The following CDKL5 variants were observed in gnomAD, a reference collection of about 807,000 sequenced individuals.
The protein encoded by CDKL5 is cyclin dependent kinase like 5.
CDKL5 carries 8 observed loss-of-function variants against 61.7 expected under a neutral mutation model. The ratio of observed to expected loss-of-function variants is 0.13; its 90% CI spans 0.08 to 0.23. CDKL5 has a LOEUF of 0.23. CDKL5 is among the 10% of genes least tolerant of loss of function. The pLI, the probability that CDKL5 is intolerant of heterozygous loss-of-function variation, is 1.00. For synonymous variants in CDKL5, 275 were observed against 272.3 expected, an observed-to-expected ratio of 1.01 and a Z score of -0.10; for missense variants, 440 against 734.5, an observed-to-expected ratio of 0.60 and a Z score of 4.63.
chrX:18,547,246 T>C (rs1160171824), intron 3 of CDKL5, among the ~76,000 whole-genome samples: 2 of 112,156 alleles, frequency 1.8e-5, no homozygotes, highest in Admixed American at 9.4e-5. Context: ...AGAAACTAAC[T>C]GCAAATGATT....
chrX:18,527,451 A>G (rs1299326617), intron 3 of CDKL5, among the ~76,000 whole-genome samples: 1 of 111,549 alleles, frequency 9.0e-6, no homozygotes. Context: ...TTTATGTGTA[A>G]ATTTTGGTAA....
At chrX:18,506,546 A>G (rs1048274118) in intron 1 of CDKL5, among the ~76,000 whole-genome samples, 4 of 112,508 alleles carry the variant, frequency 3.6e-5, no homozygotes, top group Admixed American at 9.5e-5. Flanking sequence ...TATTTGCCCA[A>G]TCTTAGAACA....
In CDKL5 at chrX:18,636,514, C is replaced by T. The variant is rs1406159624; in HGVS notation, c.*7757C>T. 3 of 110,243 alleles carry T rather than the reference C, an allele frequency of 2.7e-5. No homozygotes were observed. Among genetic ancestry groups the T allele is most frequent in the Admixed American group, 9.8e-5 (1 of 10,254 alleles). The allele number at this position is 110,243 out of a possible 1,213,427, so 9.1% of individuals were successfully genotyped here. A position where few individuals can be genotyped will look rare whatever the true frequency, so the allele number is the denominator to read the frequency against. On this transcript the variant is annotated 3_prime_UTR_variant, in exon 18 of 18. Coordinates refer to ENST00000623535, the MANE Select transcript of CDKL5 (RefSeq NM_001323289.2). ...AAGTGGCAGGGCCAGGATTTGAAGC[C>T]GAATATGTTCATTGTAAAGCCCATA...
intron 11 of CDKL5, 73 bp downstream of exon 11, chrX:18,598,686 A>T (rs1926088290): frequency 2.1e-6 from 2 of 953,421 alleles, no homozygotes; most frequent in Admixed American, 4.4e-5. Flanking sequence ...TGGCTGCTTA[A>T]ATGATGCAAT....
chrX:18,439,310 A>G (rs1931683624), intron 1 of CDKL5, among the ~76,000 whole-genome samples: 1 of 110,038 alleles, frequency 9.1e-6, no homozygotes, highest in Admixed American at 9.8e-5. Flanking sequence ...GCCAAAGGTG[A>G]CAACTACCAG....
Position 18,628,497 on chromosome X carries a change from C to T in CDKL5, c.2623C>T (p.Arg875Trp). ...AACCAAAAATTCCTTCTCAGAAATT[C>T]GGATTCACCCCCTGAGCCAGGCCTC... ...QQTKNSFSEI[R>W]IHPLSQASGG... Residue 875 changes from arginine to tryptophan, a missense_variant, in exon 18 of 18, where the codon CGG (arginine) becomes TGG (tryptophan). Coordinates refer to ENST00000623535, the MANE Select transcript of CDKL5 (RefSeq NM_001323289.2). 2 of 1,212,033 alleles carry T rather than the reference C, an allele frequency of 1.7e-6. No individual in the cohort carries two copies. The highest frequency in any genetic ancestry group is 3.0e-5 in the East Asian group (1 of 33,838).
intron 15 of CDKL5, among the ~76,000 whole-genome samples, chrX:18,613,692 G>A (rs1926635800): frequency 9.0e-6 from 1 of 111,328 alleles, no homozygotes; most frequent in South Asian, 3.8e-4. Flanking sequence ...CGAGGAACTG[G>A]CCCGGTGTTG....
intron 1 of CDKL5, among the ~76,000 whole-genome samples, chrX:18,427,994 C>T (rs906400707): frequency 1.8e-5 from 2 of 111,684 alleles, no homozygotes; most frequent in Non-Finnish European, 1.9e-5. Context: ...AGGGCCGTCT[C>T]GCATAGATGG....
intron 3 of CDKL5, among the ~76,000 whole-genome samples, chrX:18,526,119 C>T (rs1487878309): frequency 8.9e-6 from 1 of 112,438 alleles, no homozygotes. Flanking sequence ...TGATTTTCAA[C>T]AGCAATGAAT....
chrX:18,511,418 C>T (rs1841990781), intron 3 of CDKL5, among the ~76,000 whole-genome samples: 1 of 109,805 alleles, frequency 9.1e-6, no homozygotes, highest in African/African-American at 3.3e-5. Flanking sequence ...ATGCCGTGCA[C>T]CTCATAATGA....
intron 8 of CDKL5, 105 bp downstream of exon 8, chrX:18,584,458 G>A: frequency 1.7e-6 from 1 of 578,604 alleles, no homozygotes. Context: ...TTAATTAAAT[G>A]TGTCAGTTAC....
chrX:18,558,193 T>A (rs1317577485), intron 3 of CDKL5, among the ~76,000 whole-genome samples: 1 of 111,496 alleles, frequency 9.0e-6, no homozygotes, highest in Non-Finnish European at 1.9e-5. Context: ...CTGATATATT[T>A]GATCACATTC....
chrX:18,488,458 A>C (rs1921868920), intron 1 of CDKL5, among the ~76,000 whole-genome samples: 1 of 111,681 alleles, frequency 9.0e-6, no homozygotes, highest in African/African-American at 3.3e-5. Flanking sequence ...TTTGTATGCT[A>C]ATTGGGTGAC....
In CDKL5 at chrX:18,639,507, A is replaced by G. The variant is rs1053997380; in HGVS notation, c.*10750A>G. Among the ~76,000 whole-genome samples the G allele has an allele frequency of 4.4e-5, 5 of 112,432 alleles. No homozygotes were observed. Among genetic ancestry groups the G allele is most frequent in the African/African-American group, 1.6e-4 (5 of 30,986 alleles). ...GTATAGTCAAAGATGGACAGTAACA[A>G]GTGTTGCTGAGGATGTGGAGAAAGT... is the stretch of plus-strand genomic sequence containing the variant. On this transcript the variant is annotated 3_prime_UTR_variant, in exon 18 of 18. Transcript: ENST00000623535.
chrX:18,481,194 CCTT>C (rs1393759090), intron 1 of CDKL5, among the ~76,000 whole-genome samples: 6 of 109,189 alleles, frequency 5.5e-5, no homozygotes, highest in African/African-American at 2.0e-4. Flanking sequence ...TCCTCCTCCT[CCTT>C]CTCTCTCTCT....
chrX:18,496,339 G>A (rs1922170384), intron 1 of CDKL5, among the ~76,000 whole-genome samples: 1 of 112,072 alleles, frequency 8.9e-6, no homozygotes, highest in African/African-American at 3.2e-5. Flanking sequence ...ATTCGCAGTT[G>A]GTTGAAAGAG....
At chrX:18,566,900 C>T (rs1281639952) in intron 4 of CDKL5, among the ~76,000 whole-genome samples, 1 of 111,297 alleles carries the variant, frequency 9.0e-6, no homozygotes, top group Non-Finnish European at 1.9e-5. Context: ...CACTCACCAT[C>T]CCTCAGAGGC....
intron 3 of CDKL5, among the ~76,000 whole-genome samples, chrX:18,548,633 A>C (rs946147975): frequency 1.2e-4 from 14 of 112,486 alleles, no homozygotes; most frequent in African/African-American, 4.5e-4. Flanking sequence ...GAGCACATCT[A>C]TCAGAAAGTG....
At chrX:18,644,016 T>TC (rs764284982), downstream of CDKL5, among the ~76,000 whole-genome samples, 6 of 110,668 alleles carry the variant, frequency 5.4e-5, no homozygotes, top group African/African-American at 2.0e-4. Flanking sequence ...CTCAAAAGGC[T>TC]CCCCTCTGTC....
Sources: gnomAD v4.1 joint callset for allele counts (sites outside exome capture counted in the v4.1 genomes callset) on GRCh38, gnomAD v4.1.1 for gene constraint, MANE v1.5 for transcripts, NCBI Gene and HGNC (gene_info 2026-07-23, HGNC 2026-07-21) for gene names.